Variants in POU5F2 observed in about 807,000 individuals in gnomAD.
POU5F2 encodes POU domain class 5, transcription factor 2, also known as POU domain, class 5, transcription factor 2.
For missense variants in POU5F2, 401 were observed against 426.6 expected (o/e 0.94, Z 0.53); for synonymous variants, 191 against 178.7 (o/e 1.07, Z -0.55).
rs1460481328 is a variant in POU5F2 at position 93,737,933 on chromosome 5, T to C, written c.*2644A>G. 1 of 449,480 alleles carries C rather than the reference T, an allele frequency of 2.2e-6. No homozygotes were observed. Among genetic ancestry groups the C allele is most frequent in the African/African-American group, 2.0e-5 (1 of 49,620 alleles). 27.8% of individuals were successfully genotyped at this position (449,480 alleles called of 1,614,324 possible). ...CTTCATGACTTTGCATTTGGCAACA[T>C]GAAAAGCCTAAGCAACAAAAGAAAA... On this transcript the variant is annotated 3_prime_UTR_variant, in exon 1 of 1. Coordinates refer to ENST00000606183, the MANE Select transcript of POU5F2 (RefSeq NM_153216.2).
At position 93,733,995 on chromosome 5, in the gene POU5F2, A is replaced by G. The variant is rs1746681001; in HGVS notation, c.*6582T>C. 1 of 152,240 alleles carries G rather than the reference A, an allele frequency of 6.6e-6. No homozygotes were observed. Among genetic ancestry groups the G allele is most frequent in the African/African-American group, 2.4e-5 (1 of 41,466 alleles). The allele number at this position is 152,240 out of a possible 1,614,324, so 9.4% of individuals were successfully genotyped here. On this transcript the variant is annotated 3_prime_UTR_variant, in exon 1 of 1. Coordinates refer to ENST00000606183, the MANE Select transcript of POU5F2 (RefSeq NM_153216.2). The stretch of plus-strand genomic sequence containing the variant: ...CAAATCCCCATGAGACAGACTTGGT[A>G]TAATAAACAAGGATATACAGTATAT...
rs1748125179 is a variant in POU5F2, at chr5:93,740,347, T to C, written c.*230A>G. On this transcript the variant is annotated 3_prime_UTR_variant, in exon 1 of 1. Coordinates refer to ENST00000606183, the MANE Select transcript of POU5F2 (RefSeq NM_153216.2). Reference sequence around the variant, plus strand: ...ATACTGTAATGTACCTTTAAACCAATGCTAGGGAAAAACAAAGGGAAAACA... The same window carrying C: ...ATACTGTAATGTACCTTTAAACCAACGCTAGGGAAAAACAAAGGGAAAACA... The C allele has an allele frequency of 1.9e-6, 1 of 524,022 alleles. No homozygotes were observed. Among genetic ancestry groups the C allele is most frequent in the African/African-American group, 1.9e-5 (1 of 52,980 alleles). 32.5% of individuals were successfully genotyped at this position (524,022 alleles called of 1,614,324 possible).
At chr5:93,741,445 GC>G in the POU5F2 span, 3 of 1,613,518 alleles carry the variant, frequency 1.9e-6, no homozygotes, top group Non-Finnish European at 2.5e-6. Flanking sequence ...CCTGCCAGGG[GC>G]CGCCTGGGTG....
rs1454576933 is a variant in POU5F2 at position 93,734,076 on chromosome 5, G to A, written c.*6501C>T. 1.3e-5 allele frequency: 2 copies of A among 152,154 alleles called. No individual in the cohort carries two copies. The highest frequency in any genetic ancestry group is 1.3e-4 in the Admixed American group (2 of 15,278). 9.4% of individuals were successfully genotyped at this position (152,154 alleles called of 1,614,324 possible). ...GATGCTAATTCAAGAAAAAGATCAT[G>A]CTTTGAAATAAGGGCAGGTATCCAA... On this transcript the variant is annotated 3_prime_UTR_variant, in exon 1 of 1. Transcript: ENST00000606183.
In POU5F2 at chr5:93,735,550, A is replaced by C. The variant is rs934830540; in HGVS notation, c.*5027T>G. ...GTTCACAACACAATCAGAGTTGTTT[A>C]TTCTGGCATTCAACATGGTCTGACT... On this transcript the variant is annotated 3_prime_UTR_variant, in exon 1 of 1. Coordinates refer to ENST00000606183, the MANE Select transcript of POU5F2 (RefSeq NM_153216.2). 2.0e-5 allele frequency: 3 copies of C among 152,170 alleles called. No individual in the cohort carries two copies. Among genetic ancestry groups the C allele is most frequent in the Non-Finnish European group, 4.4e-5 (3 of 68,044 alleles). The allele number at this position is 152,170 out of a possible 1,614,324, so 9.4% of individuals were successfully genotyped here.
rs1747260523 is a variant in POU5F2, at chr5:93,736,572, AACC to A, written c.*4002_*4004del. 1 of 152,180 alleles carries A rather than the reference AACC, an allele frequency of 6.6e-6. No homozygotes were observed. The highest frequency in any genetic ancestry group is 2.4e-5 in the African/African-American group (1 of 41,442). The allele number at this position is 152,180 out of a possible 1,614,324, so 9.4% of individuals were successfully genotyped here. A position where few individuals can be genotyped will look rare whatever the true frequency, so the allele number is the denominator to read the frequency against. Reference sequence around the variant, plus strand: ...ATGAGATCCCTCAAAACAGAAAAATAACCACCCTTAGAGTCGGAGGAAAAAAAA... The same window carrying A: ...ATGAGATCCCTCAAAACAGAAAAATAACCCTTAGAGTCGGAGGAAAAAAAA... On this transcript the variant is annotated 3_prime_UTR_variant, in exon 1 of 1. Coordinates refer to ENST00000606183, the MANE Select transcript of POU5F2 (RefSeq NM_153216.2).
Position 93,736,153 on chromosome 5 carries a change from C to T in POU5F2, c.*4424G>A, listed in dbSNP as rs1747161357. ...TGTGCTGATATATACGGTTCATTTA[C>T]ACTTGCTTTGTGGCCATCATATTTC... On this transcript the variant is annotated 3_prime_UTR_variant, in exon 1 of 1. Coordinates refer to ENST00000606183, the MANE Select transcript of POU5F2 (RefSeq NM_153216.2). The T allele has an allele frequency of 6.6e-6, 1 of 152,082 alleles. No homozygotes were observed. The highest frequency in any genetic ancestry group is 1.5e-5 in the Non-Finnish European group (1 of 68,016). 9.4% of individuals were successfully genotyped at this position (152,082 alleles called of 1,614,324 possible).
In POU5F2 at chr5:93,739,046, A is replaced by G. The variant is rs1747821150; in HGVS notation, c.*1531T>C. On this transcript the variant is annotated 3_prime_UTR_variant, in exon 1 of 1. Coordinates refer to ENST00000606183, the MANE Select transcript of POU5F2 (RefSeq NM_153216.2). ...CACACCTGACTTGTGTGACAGTAAA[A>G]TTATCCCTGGACTTGAGGTCAGAAG... The G allele has an allele frequency of 6.6e-6, 1 of 152,188 alleles. No homozygotes were observed. Among genetic ancestry groups the G allele is most frequent in the Admixed American group, 6.5e-5 (1 of 15,286 alleles). The allele number at this position is 152,188 out of a possible 1,614,324, so 9.4% of individuals were successfully genotyped here. A position where few individuals can be genotyped will look rare whatever the true frequency, so the allele number is the denominator to read the frequency against.
In POU5F2 at chr5:93,741,434, C is replaced by G. The variant is rs1254492461; in HGVS notation, c.130G>C (p.Val44Leu). Residue 44 changes from valine to leucine, a missense_variant, in exon 1 of 1, where the codon GTG becomes CTG. By Grantham distance (32) the Val-to-Leu change is conservative. Coordinates refer to ENST00000606183, the MANE Select transcript of POU5F2 (RefSeq NM_153216.2). ...GGCCTGACTGCCGGCCAGACCATCA[C>G]CCTGCCAGGGGCCGCCTGGGTGCTC... ...WLSTQAAPGR[V>L]MVWPAVRPGI... 2 of 1,613,386 alleles carry G rather than the reference C, an allele frequency of 1.2e-6. No homozygotes were observed. The highest frequency in any genetic ancestry group is 2.7e-5 in the African/African-American group (2 of 74,932).
chr5:93,739,056 G>C lies in POU5F2; in HGVS notation c.*1521C>G, dbSNP rs763152363. On this transcript the variant is annotated 3_prime_UTR_variant, in exon 1 of 1. Transcript: ENST00000606183. ...TTGTGTGACAGTAAAATTATCCCTG[G>C]ACTTGAGGTCAGAAGATCAGAGTTA... 2 of 152,102 alleles carry C rather than the reference G, an allele frequency of 1.3e-5. No individual in the cohort carries two copies. The highest frequency in any genetic ancestry group is 4.8e-5 in the African/African-American group (2 of 41,434). The allele number at this position is 152,102 out of a possible 1,614,324, so 9.4% of individuals were successfully genotyped here. A position where few individuals can be genotyped will look rare whatever the true frequency, so the allele number is the denominator to read the frequency against.
At position 93,740,678 on chromosome 5, in the gene POU5F2, G is replaced by T; in HGVS notation, c.886C>A (p.Leu296Met). ...TGGGGGATATCCACTGGGAGCCCCA[G>T]TCCCAGGTGAAAGCACACTGGTGCT... ...PGAPVCFHLG[L>M]GLPVDIPHYT... The change falls in exon 1 of 1, where the codon CTG becomes ATG. Residue 296 changes from leucine (L) to methionine (M), a missense_variant. Transcript: ENST00000606183. 1 of 1,613,952 alleles carries T rather than the reference G, an allele frequency of 6.2e-7. No homozygotes were observed. The highest frequency in any genetic ancestry group is 1.1e-5 in the South Asian group (1 of 91,064).
rs923833402 is a variant in POU5F2, at chr5:93,733,814, T to G, written c.*6763A>C. On this transcript the variant is annotated 3_prime_UTR_variant, in exon 1 of 1. Coordinates refer to ENST00000606183, the MANE Select transcript of POU5F2 (RefSeq NM_153216.2). ...AGGTTTAATTGCAATGGTTTTGTAG[T>G]TTTCACTTTAAAAACACAGTTTGAC... 6.6e-6 allele frequency: 1 copy of G among 152,202 alleles called. No homozygotes were observed. The highest frequency in any genetic ancestry group is 1.5e-5 in the Non-Finnish European group (1 of 68,036). The allele number at this position is 152,202 out of a possible 1,614,324, so 9.4% of individuals were successfully genotyped here.
rs1002435202 is a variant in POU5F2 at position 93,739,912 on chromosome 5, T to A, written c.*665A>T. ...ACAGTGACTGTGGCAGGACAAGACA[T>A]AGTCCCATGGGACTACATAAAGTAG... is the stretch of plus-strand genomic sequence containing the variant. On this transcript the variant is annotated 3_prime_UTR_variant, in exon 1 of 1. Transcript: ENST00000606183. 27 of 144,334 alleles carry A rather than the reference T, an allele frequency of 1.9e-4. No individual in the cohort carries two copies. Among genetic ancestry groups the A allele is most frequent in the African/African-American group, 6.8e-4 (26 of 38,194 alleles). The allele number at this position is 144,334 out of a possible 1,614,324, so 8.9% of individuals were successfully genotyped here.
Position 93,738,390 on chromosome 5 carries a change from T to C in POU5F2, c.*2187A>G, listed in dbSNP as rs1747670200. On this transcript the variant is annotated 3_prime_UTR_variant, in exon 1 of 1. Coordinates refer to ENST00000606183, the MANE Select transcript of POU5F2 (RefSeq NM_153216.2). ...TTCACTATGGAAAACAGTTTGGTAG[T>C]TTCCCAAAAAGTTAAGCATAGAATT... 6.6e-6 allele frequency: 1 copy of C among 152,468 alleles called. No homozygotes were observed. The highest frequency in any genetic ancestry group is 2.4e-5 in the African/African-American group (1 of 41,466). 9.4% of individuals were successfully genotyped at this position (152,468 alleles called of 1,614,324 possible).
chr5:93,736,519 T>C lies in POU5F2; in HGVS notation c.*4058A>G, dbSNP rs910325700. ...TATTTTCATCACCCCGGGTGAGTCA[T>C]TTACTCTTACACAAAGATGTCATGA... is the stretch of plus-strand genomic sequence containing the variant. On this transcript the variant is annotated 3_prime_UTR_variant, in exon 1 of 1. Coordinates refer to ENST00000606183, the MANE Select transcript of POU5F2 (RefSeq NM_153216.2). The C allele has an allele frequency of 2.0e-5, 3 of 152,122 alleles. No individual in the cohort carries two copies. The East Asian group carries it at 5.8e-4, about 29-fold the overall frequency. 9.4% of individuals were successfully genotyped at this position (152,122 alleles called of 1,614,324 possible). A position where few individuals can be genotyped will look rare whatever the true frequency, so the allele number is the denominator to read the frequency against.
In POU5F2 at chr5:93,740,859, G is replaced by T; in HGVS notation, c.705C>A (p.Pro235=). 6.2e-7 allele frequency: 1 copy of T among 1,613,978 alleles called. No homozygotes were observed. The highest frequency in any genetic ancestry group is 2.2e-5 in the East Asian group (1 of 44,872). ...CAATGTGGCTGATTTGCTGGGGTGT[G>T]GGCTTAGGGCACCGCTGGAAGAATT... ...LEKFFQRCPK[P]TPQQISHIAG... is the part of the protein sequence containing the mutation. Residue 235 remains proline, a synonymous_variant, in exon 1 of 1, where the codon CCC becomes CCA. Coordinates refer to ENST00000606183, the MANE Select transcript of POU5F2 (RefSeq NM_153216.2).
Position 93,740,947 on chromosome 5 carries a change from A to T in POU5F2, c.617T>A (p.Leu206Gln). 6.2e-7 allele frequency: 1 copy of T among 1,613,936 alleles called. No homozygotes were observed. ...CCGTCTCCACTTCCCAGACTGTTGC[A>T]GGATCATCTCCATTTTGCATAAGCC... ...LLGLCKMEMI[L>Q]QQSGKWRRAS... is the part of the protein sequence containing the mutation. The change falls in exon 1 of 1, where the codon CTG (leucine) becomes CAG (glutamine). Residue 206 changes from leucine (L) to glutamine (Q), a missense_variant. Coordinates refer to ENST00000606183, the MANE Select transcript of POU5F2 (RefSeq NM_153216.2).
rs1201384054 is a variant in POU5F2 at position 93,737,118 on chromosome 5, G to A, written c.*3459C>T. The A allele has an allele frequency of 6.6e-6, 1 of 152,058 alleles. No homozygotes were observed. The highest frequency in any genetic ancestry group is 1.9e-4 in the East Asian group (1 of 5,200). 9.4% of individuals were successfully genotyped at this position (152,058 alleles called of 1,614,324 possible). On this transcript the variant is annotated 3_prime_UTR_variant, in exon 1 of 1. Coordinates refer to ENST00000606183, the MANE Select transcript of POU5F2 (RefSeq NM_153216.2). ...AGTCGCAGGATACAAAATCAACACA[G>A]GAAAATCAGTTGTATTTCTATCCAT...
rs1023976372 is a variant in POU5F2 at position 93,735,002 on chromosome 5, C to T, written c.*5575G>A. Reference sequence around the variant, plus strand: ...GAACTCCTGACCTCAAGTGATCTGTCCACCTCGGCCTCCCAAAGTGCTGGA... The same window carrying T: ...GAACTCCTGACCTCAAGTGATCTGTTCACCTCGGCCTCCCAAAGTGCTGGA... On this transcript the variant is annotated 3_prime_UTR_variant, in exon 1 of 1. Transcript: ENST00000606183. 6.6e-6 allele frequency: 1 copy of T among 152,188 alleles called. No individual in the cohort carries two copies. Among genetic ancestry groups the T allele is most frequent in the Middle Eastern group, 3.1e-3 (1 of 318 alleles). 9.4% of individuals were successfully genotyped at this position (152,188 alleles called of 1,614,324 possible).
Sources: gnomAD v4.1 joint callset for allele counts on GRCh38, gnomAD v4.1.1 for gene constraint, MANE v1.5 for transcripts, NCBI Gene and HGNC (gene_info 2026-07-23, HGNC 2026-07-21) for gene names.